SCARA3: variants seen among roughly 807,000 people sequenced by gnomAD.
SCARA3 encodes the protein cellular stress response gene protein.
SCARA3 carries 39 observed loss-of-function variants against 47.0 expected under a neutral mutation model. The observed-to-expected ratio is 0.83, with a 90% CI of 0.64 to 1.08. The LOEUF is 1.08. Among genes scored for constraint, SCARA3 ranks in the 50% least tolerant of loss-of-function variants. The pLI, the probability that SCARA3 is intolerant of heterozygous loss-of-function variation, is 0.00. For synonymous variants in SCARA3, 356 were observed against 334.1 expected (o/e 1.07, Z -0.71); for missense variants, 724 against 792.3 (o/e 0.91, Z 1.04).
the SCARA3 span, among the ~76,000 whole-genome samples, chr8:27,706,818 T>C: frequency 2.6e-5 from 4 of 151,878 alleles, no homozygotes; most frequent in Non-Finnish European, 5.9e-5. Flanking sequence ...ATGTTCTAGT[T>C]AGGAGTGATA....
At chr8:27,702,859 G>A in the SCARA3 span, 1 of 152,246 alleles carries the variant, frequency 6.6e-6, no homozygotes. Context: ...ATTTCTACAG[G>A]GGCACCTTGG....
chr8:27,656,941 C>G, intron 4 of SCARA3, 61 bp downstream of exon 4: 1 of 1,064,680 alleles, frequency 9.4e-7, no homozygotes, highest in Non-Finnish European at 1.5e-6. Flanking sequence ...GGGGTGCCCT[C>G]CCCACGCTAC....
At chr8:27,712,549 C>A in the SCARA3 span, among the ~76,000 whole-genome samples, 12 of 112,710 alleles carry the variant, frequency 1.1e-4, no homozygotes, top group Non-Finnish European at 1.5e-4. Flanking sequence ...GGTGACAGAG[C>A]GAGACTCCGT....
the SCARA3 span, among the ~76,000 whole-genome samples, chr8:27,707,821 C>A: frequency 8.1e-4 from 115 of 142,374 alleles, no homozygotes; most frequent in East Asian, 2.2e-3. Flanking sequence ...GAAAAACTTC[C>A]AAAAAAAAAA....
At chr8:27,658,401 A>T (rs1801788581) in intron 4 of SCARA3, 95 bp from the exon 5 acceptor site, 1 of 1,239,686 alleles carries the variant, frequency 8.1e-7, no homozygotes, top group Non-Finnish European at 1.1e-6. Flanking sequence ...GGAAGCTACT[A>T]ACCAATTTCT....
intron 1 of SCARA3, among the ~76,000 whole-genome samples, chr8:27,641,220 G>A (rs562863700): frequency 5.3e-5 from 8 of 152,302 alleles, no homozygotes; most frequent in African/African-American, 9.6e-5. Context: ...AAGGGCACTC[G>A]CCCTTGCAGT....
chr8:27,672,085 C>T lies in SCARA3; in HGVS notation c.*734C>T, dbSNP rs34479757. ...AACTCCAGAGGCAAAGTGGACCTGG[C>T]AACCACAAGACCCTCCCCATAAGCA... On this transcript the variant is annotated 3_prime_UTR_variant, in exon 6 of 6. Transcript: ENST00000301904. 5.5e-4 allele frequency: 539 copies of T among 985,434 alleles called. 10 individuals are homozygous for T. The East Asian group carries it at 0.037, about 67-fold the overall frequency. 61.0% of individuals were successfully genotyped at this position (985,434 alleles called of 1,614,324 possible). A position where few individuals can be genotyped will look rare whatever the true frequency, so the allele number is the denominator to read the frequency against.
In SCARA3 at chr8:27,671,647, C is replaced by CCT; in HGVS notation, c.*296_*297insCT. On this transcript the variant is annotated 3_prime_UTR_variant, in exon 6 of 6. Transcript: ENST00000301904. Reference sequence around the variant, plus strand: ...ATACACAGGCATACATGCATGCACACACACATGCACGCACACACACATGCA... The same window carrying CCT: ...ATACACAGGCATACATGCATGCACACCTACACATGCACGCACACACACATGCA... 1 of 1,131,780 alleles carries CCT rather than the reference C, an allele frequency of 8.8e-7. No individual in the cohort carries two copies. The highest frequency in any genetic ancestry group is 1.1e-6 in the Non-Finnish European group (1 of 920,036). 70.1% of individuals were successfully genotyped at this position (1,131,780 alleles called of 1,614,324 possible).
chr8:27,633,642 G>A (rs1208154001), upstream of SCARA3, among the ~76,000 whole-genome samples: 7 of 152,154 alleles, frequency 4.6e-5, no homozygotes, highest in African/African-American at 1.7e-4. Context: ...GGAGGACGCC[G>A]CGGGAGCCCG....
At chr8:27,642,452 A>G (rs1801402717) in intron 1 of SCARA3, among the ~76,000 whole-genome samples, 1 of 152,212 alleles carries the variant, frequency 6.6e-6, no homozygotes, top group South Asian at 2.1e-4. Flanking sequence ...CATGAAACTC[A>G]GAGGAGGGAA....
the SCARA3 span, among the ~76,000 whole-genome samples, chr8:27,707,938 A>G: frequency 6.6e-6 from 1 of 152,218 alleles, no homozygotes; most frequent in Non-Finnish European, 1.5e-5. Flanking sequence ...CTATCAGCTA[A>G]TTGTGAGAGC....
chr8:27,649,842 A>G, intron 2 of SCARA3, 42 bp downstream of exon 2: 1 of 1,524,068 alleles, frequency 6.6e-7, no homozygotes, highest in East Asian at 2.3e-5. Flanking sequence ...CTCTGGGCTG[A>G]GAGATCCCTG....
downstream of SCARA3, chr8:27,680,058 A>G (rs556237376): frequency 6.6e-6 from 1 of 152,328 alleles, no homozygotes; most frequent in South Asian, 2.1e-4. Flanking sequence ...ATAACATACC[A>G]AAATATGTTG....
chr8:27,687,022 T>C, the SCARA3 span, among the ~76,000 whole-genome samples: 2 of 147,936 alleles, frequency 1.4e-5, no homozygotes, highest in Non-Finnish European at 3.0e-5. Flanking sequence ...AATAACTTCA[T>C]ATGGTTCAAA....
the SCARA3 span, among the ~76,000 whole-genome samples, chr8:27,712,014 A>C: frequency 6.6e-6 from 1 of 152,352 alleles, no homozygotes; most frequent in African/African-American, 2.4e-5. Flanking sequence ...CCATTACAGT[A>C]GGAGAATAAA....
downstream of SCARA3, among the ~76,000 whole-genome samples, chr8:27,674,581 A>T (rs1291515247): frequency 6.6e-6 from 1 of 152,132 alleles, no homozygotes; most frequent in Non-Finnish European, 1.5e-5. Flanking sequence ...AAGGCGATGA[A>T]GTCTGAACCC....
At chr8:27,670,840 C>A (rs1037119192) in intron 5 of SCARA3, 60 bp from the exon 6 acceptor site, 3 of 1,419,166 alleles carry the variant, frequency 2.1e-6, no homozygotes, top group African/African-American at 1.4e-5. Flanking sequence ...TGCTCATGGG[C>A]GAGCCTCGGG....
chr8:27,635,208 C>CT (rs1223523525), intron 1 of SCARA3, among the ~76,000 whole-genome samples: 1 of 152,184 alleles, frequency 6.6e-6, no homozygotes, highest in Non-Finnish European at 1.5e-5. Flanking sequence ...TCTCAGCCTA[C>CT]TTCAACCAGA....
At chr8:27,660,881 GATA>G (rs1801900263) in intron 5 of SCARA3, among the ~76,000 whole-genome samples, 1 of 148,020 alleles carries the variant, frequency 6.8e-6, no homozygotes, top group Non-Finnish European at 1.5e-5. Flanking sequence ...TAGATAGATA[GATA>G]ATGATAGAGA....
Sources: gnomAD v4.1 joint callset for allele counts (sites outside exome capture counted in the v4.1 genomes callset) on GRCh38, gnomAD v4.1.1 for gene constraint, MANE v1.5 for transcripts, NCBI Gene and HGNC (gene_info 2026-07-23, HGNC 2026-07-21) for gene names.